Variants in TMEM43 observed in about 807,000 individuals in gnomAD.
TMEM43 encodes arrhythmogenic right ventricular dysplasia 5.
Under a neutral mutation model 49.6 loss-of-function variants are expected in TMEM43, and 45 were observed. The observed-to-expected ratio is 0.91, with a 90% CI of 0.71 to 1.16. The LOEUF is 1.16. Among genes scored for constraint, TMEM43 ranks in the 50% most tolerant of loss-of-function variants. TMEM43 has a pLI of 0.00. For missense variants in TMEM43, 532 were observed against 516.6 expected (o/e 1.03, Z -0.29); for synonymous variants, 199 against 207.8 (o/e 0.96, Z 0.36).
chr3:14,136,000 C>T (rs1367912841), intron 10 of TMEM43, 92 bp downstream of exon 10: 2 of 1,094,802 alleles, frequency 1.8e-6, no homozygotes. Context: ...TACCAGGGGT[C>T]ATAGCCAGTG....
In TMEM43 at chr3:14,141,823, G is replaced by A. The variant is rs1695252514; in HGVS notation, c.*28G>A. On this transcript the variant is annotated 3_prime_UTR_variant, in exon 12 of 12. Transcript: ENST00000306077. ...AGACCCTGGCACCCGCCCGACACCTGCGTGAGCCCTAGGATCCAGGTCCTC... is the reference window on the plus strand; with the variant it reads ...AGACCCTGGCACCCGCCCGACACCTACGTGAGCCCTAGGATCCAGGTCCTC... 6.2e-7 allele frequency: 1 copy of A among 1,602,092 alleles called. No homozygotes were observed. Among genetic ancestry groups the A allele is most frequent in the Admixed American group, 1.7e-5 (1 of 59,108 alleles).
Position 14,129,307 on chromosome 3 carries a change from T to TAAAAAAAAA in TMEM43, c.13-86_13-78dup, listed in dbSNP as rs10648308. 6.6e-5 allele frequency: 25 copies of TAAAAAAAAA among 380,652 alleles called. No homozygotes were observed. The African/African-American group carries it at 6.9e-4, about 11-fold the overall frequency. 23.6% of individuals were successfully genotyped at this position (380,652 alleles called of 1,614,324 possible). Reference sequence around the variant, plus strand: ...TGTTTTTACCACATACAGTTAAAACTAAAAAAAAAAAAAAAAAAAAAAAAA... The same window carrying TAAAAAAAAA: ...TGTTTTTACCACATACAGTTAAAACTAAAAAAAAAAAAAAAAAAAAAAAAAAAAAAAAAA... On this transcript the variant is annotated intron_variant, in intron 1 of 11. Coordinates refer to ENST00000306077, the MANE Select transcript of TMEM43 (RefSeq NM_024334.3).
chr3:14,126,563 C>T (rs1184894544), intron 1 of TMEM43, among the ~76,000 whole-genome samples: 1 of 152,190 alleles, frequency 6.6e-6, no homozygotes, highest in Non-Finnish European at 1.5e-5. Context: ...TATGTAGCCT[C>T]ATGGATCAGT....
chr3:14,127,644 G>C (rs1423399474), intron 1 of TMEM43, among the ~76,000 whole-genome samples: 1 of 152,198 alleles, frequency 6.6e-6, no homozygotes, highest in Non-Finnish European at 1.5e-5. Context: ...GCTTGCCTGT[G>C]GGCTGGCCTG....
chr3:14,134,820 G>C lies in TMEM43; in HGVS notation c.634G>C (p.Glu212Gln), dbSNP rs1186030063. 6.2e-7 allele frequency: 1 copy of C among 1,614,182 alleles called. No individual in the cohort carries two copies. The highest frequency in any genetic ancestry group is 8.5e-7 in the Non-Finnish European group (1 of 1,180,028). Residue 212 changes from glutamate (E) to glutamine (Q), a missense_variant, in exon 8 of 12, where the codon GAG becomes CAG. Glu to Gln is a conservative substitution (Grantham distance 29, BLOSUM62 2). Transcript: ENST00000306077. The part of the protein sequence containing the change: ...NFKSLSLSKL[E>Q]DPHVDIIRRG... ...CAAGTCCCTGAGCCTATCCAAGCTG[G>C]AGGACCCTCATGTGGACATCATTCG...
At chr3:14,132,066 C>G (rs1175079966) in intron 4 of TMEM43, among the ~76,000 whole-genome samples, 1 of 152,010 alleles carries the variant, frequency 6.6e-6, no homozygotes, top group African/African-American at 2.4e-5. Flanking sequence ...TACAGCTTAT[C>G]GTTTCTGACA....
intron 7 of TMEM43, among the ~76,000 whole-genome samples, 175 bp downstream of exon 7, chr3:14,133,984 C>T (rs746189813): frequency 4.6e-5 from 7 of 152,182 alleles, no homozygotes; most frequent in Non-Finnish European, 8.8e-5. Context: ...CAAGGGCTGA[C>T]GTAGAAACCC....
At chr3:14,129,307 TAAAAAA>T (rs10648308) in intron 1 of TMEM43, 99 bp from the exon 2 acceptor site, 199 of 380,420 alleles carry the variant, frequency 5.2e-4, no homozygotes, top group Admixed American at 6.1e-4. Flanking sequence ...CAGTTAAAAC[TAAAAAA>T]AAAAAAAAAA....
At position 14,129,427 on chromosome 3, in the gene TMEM43, A is replaced by C; in HGVS notation, c.28A>C (p.Thr10Pro). 1 of 1,613,642 alleles carries C rather than the reference A, an allele frequency of 6.2e-7. No individual in the cohort carries two copies. The highest frequency in any genetic ancestry group is 8.5e-7 in the Non-Finnish European group (1 of 1,179,886). Residue 10 changes from threonine to proline, a missense_variant, in exon 2 of 12, where the codon ACC becomes CCC. Transcript: ENST00000306077. ...TTTTCTTCAGTATTCCAGTACCAGTACCCGGAGAGAACATGTCAAAGTTAA... is the reference window on the plus strand; with the variant it reads ...TTTTCTTCAGTATTCCAGTACCAGTCCCCGGAGAGAACATGTCAAAGTTAA... Reference protein sequence around the residue: MAANYSSTSTRREHVKVKTS... With the variant: MAANYSSTSPRREHVKVKTS...
intron 11 of TMEM43, among the ~76,000 whole-genome samples, chr3:14,140,006 A>C (rs2124995947): frequency 6.6e-6 from 1 of 152,316 alleles, no homozygotes. Flanking sequence ...TGTCCCTTCC[A>C]GTCACATGAT....
At chr3:14,132,336 C>G (rs942871331) in intron 4 of TMEM43, among the ~76,000 whole-genome samples, 1 of 152,102 alleles carries the variant, frequency 6.6e-6, no homozygotes, top group Admixed American at 6.5e-5. Flanking sequence ...GATGGGAGAG[C>G]GCTTTCCTCC....
At chr3:14,135,978 A>G in intron 10 of TMEM43, 70 bp downstream of exon 10, 2 of 1,316,980 alleles carry the variant, frequency 1.5e-6, no homozygotes, top group Non-Finnish European at 2.2e-6. Context: ...TGGTTATTTA[A>G]TAAGATCACA....
intron 2 of TMEM43, among the ~76,000 whole-genome samples, chr3:14,130,114 C>T (rs1012266904): frequency 6.8e-6 from 1 of 147,516 alleles, no homozygotes; most frequent in African/African-American, 2.5e-5. Context: ...CTCTCCCTCT[C>T]TCTTTCTTTT....
At position 14,133,649 on chromosome 3, in the gene TMEM43, G is replaced by A. The variant is rs2733585; in HGVS notation, c.513-90G>A. 130,532 of 1,224,352 alleles carry A rather than the reference G, an allele frequency of 0.11. 8,035 individuals are homozygous for A. The highest frequency in any genetic ancestry group is 0.13 in the Non-Finnish European group (105,768 of 826,896). The allele number at this position is 1,224,352 out of a possible 1,614,324, so 75.8% of individuals were successfully genotyped here. On this transcript the variant is annotated intron_variant, in intron 6 of 11. Transcript: ENST00000306077. The stretch of plus-strand genomic sequence containing the variant: ...AATCTGGACTTGCAGGAACCCCCGG[G>A]TGGGGACCCTGCCCAGCACAAACAA...
At chr3:14,125,555 A>G (rs1695007820) in intron 1 of TMEM43, among the ~76,000 whole-genome samples, 1 of 152,004 alleles carries the variant, frequency 6.6e-6, no homozygotes, top group Non-Finnish European at 1.5e-5. Context: ...AAACTTGCGC[A>G]TTATGAGAGC....
chr3:14,137,905 G>A (rs1324409775), intron 10 of TMEM43: 1 of 152,194 alleles, frequency 6.6e-6, no homozygotes, highest in Non-Finnish European at 1.5e-5. Context: ...AACTGCTTGA[G>A]GTGAGACCTT....
At chr3:14,132,294 T>C (rs762028575) in intron 4 of TMEM43, among the ~76,000 whole-genome samples, 2 of 151,714 alleles carry the variant, frequency 1.3e-5, no homozygotes, top group South Asian at 4.2e-4. Flanking sequence ...GGCCCCTTGG[T>C]GTAAGGCCAG....
At chr3:14,134,719 T>C (rs761006330) in intron 7 of TMEM43, 51 bp from the exon 8 acceptor site, 6 of 1,612,678 alleles carry the variant, frequency 3.7e-6, no homozygotes, top group Admixed American at 1.7e-5. Context: ...ACTTTGCAGA[T>C]TGAGGTTTTC....
chr3:14,137,349 G>A (rs943038683), intron 10 of TMEM43: 3 of 136,772 alleles, frequency 2.2e-5, no homozygotes, highest in African/African-American at 3.1e-5. Flanking sequence ...CTCTCTCCCA[G>A]GGCTGAGGCC....
Sources: allele counts gnomAD v4.1 joint callset (sites outside exome capture counted in the v4.1 genomes callset), GRCh38; gene constraint gnomAD v4.1.1; transcripts MANE v1.5; gene names NCBI Gene and HGNC (gene_info 2026-07-23, HGNC 2026-07-21).